Variants in RAD51B observed in about 807,000 individuals in gnomAD.
RAD51B encodes the protein DNA repair protein RAD51 homolog 2.
Under a neutral mutation model 42.2 loss-of-function variants are expected in RAD51B, and 38 were observed. The observed-to-expected ratio is 0.90, with a 90% CI of 0.70 to 1.18. The LOEUF is 1.18. Ranked by LOEUF, RAD51B falls within the 50% of genes most tolerant of loss-of-function variation. The pLI, the probability that RAD51B is intolerant of heterozygous loss-of-function variation, is 0.00. For missense variants in RAD51B, 373 were observed against 400.7 expected (o/e 0.93, Z 0.59); for synonymous variants, 154 against 145.2 (o/e 1.06, Z -0.43).
chr14:67,873,385 G>C (rs1391499777), intron 5 of RAD51B, among the ~76,000 whole-genome samples: 3 of 152,180 alleles, frequency 2.0e-5, no homozygotes, highest in South Asian at 4.1e-4. Flanking sequence ...AAACCACAAT[G>C]AGATACCATC....
chr14:68,559,762 A>T (rs542163932), intron 10 of RAD51B, among the ~76,000 whole-genome samples: 2 of 152,126 alleles, frequency 1.3e-5, no homozygotes. Context: ...CAATTTTCCC[A>T]CTAAAGCAAT....
intron 8 of RAD51B, among the ~76,000 whole-genome samples, chr14:68,369,365 A>T (rs1024954162): frequency 6.6e-6 from 1 of 152,196 alleles, no homozygotes; most frequent in Non-Finnish European, 1.5e-5. Context: ...TCTTGCACAG[A>T]TTGCGTCCAC....
chr14:68,137,943 T>C (rs1211088751), intron 7 of RAD51B, among the ~76,000 whole-genome samples: 3 of 152,178 alleles, frequency 2.0e-5, no homozygotes, highest in African/African-American at 7.2e-5. Context: ...CAAGGGCCAA[T>C]GAGAAAGGAT....
At chr14:68,604,550 G>C (rs1386024625) in intron 10 of RAD51B, among the ~76,000 whole-genome samples, 1 of 152,214 alleles carries the variant, frequency 6.6e-6, no homozygotes, top group Non-Finnish European at 1.5e-5. Context: ...CCAGCTCCAT[G>C]TCCTCATGGG....
chr14:68,509,563 A>T (rs1378235744), intron 10 of RAD51B, among the ~76,000 whole-genome samples: 1 of 152,210 alleles, frequency 6.6e-6, no homozygotes, highest in Non-Finnish European at 1.5e-5. Context: ...CTGAAGAATG[A>T]TGTTTGGAAG....
At chr14:68,562,377 G>C (rs146540771) in intron 10 of RAD51B, 1 of 985,364 alleles carries the variant, frequency 1.0e-6, no homozygotes, top group Non-Finnish European at 1.2e-6. Flanking sequence ...AGGCTCTTGA[G>C]CAAATGCAGA....
At chr14:67,914,164 G>A (rs1190663901) in intron 7 of RAD51B, among the ~76,000 whole-genome samples, 1 of 151,976 alleles carries the variant, frequency 6.6e-6, no homozygotes, top group Non-Finnish European at 1.5e-5. Context: ...TGTATTTTTA[G>A]TAAAGACGAG....
chr14:68,660,521 G>A (rs1892910707), intron 11 of RAD51B, among the ~76,000 whole-genome samples: 2 of 152,168 alleles, frequency 1.3e-5, no homozygotes, highest in African/African-American at 2.4e-5. Context: ...TTGCCCTTGA[G>A]GATTTACACT....
intron 7 of RAD51B, among the ~76,000 whole-genome samples, chr14:68,012,786 TTG>T (rs1458055322): frequency 6.6e-6 from 1 of 152,216 alleles, no homozygotes; most frequent in Non-Finnish European, 1.5e-5. Context: ...GCTGTTGCTG[TTG>T]TTATATGTCA....
chr14:68,477,881 G>T lies in RAD51B; in HGVS notation c.*217G>T. 2 of 1,396,382 alleles carry T rather than the reference G, an allele frequency of 1.4e-6. No individual in the cohort carries two copies. Among genetic ancestry groups the T allele is most frequent in the Non-Finnish European group, 1.9e-6 (2 of 1,077,190 alleles). 86.5% of individuals were successfully genotyped at this position (1,396,382 alleles called of 1,614,324 possible). ...GAAGAAGCCTTTGTTCAGGTCTCTA[G>T]ATGTGTAGGGCTGAGGGCTTTGCCG... On this transcript the variant is annotated 3_prime_UTR_variant, in exon 11 of 11. Transcript: ENST00000471583.
intron 7 of RAD51B, among the ~76,000 whole-genome samples, chr14:68,282,316 T>A (rs1347210143): frequency 6.6e-6 from 1 of 152,136 alleles, no homozygotes; most frequent in East Asian, 1.9e-4. Flanking sequence ...TTGTACCACA[T>A]GATTGGGAGT....
chr14:67,900,141 T>C (rs1264012911), intron 7 of RAD51B, among the ~76,000 whole-genome samples: 2 of 152,204 alleles, frequency 1.3e-5, no homozygotes, highest in African/African-American at 4.8e-5. Flanking sequence ...TTATCAGTAT[T>C]TAAAGTAAGA....
intron 10 of RAD51B, among the ~76,000 whole-genome samples, chr14:68,619,950 G>C (rs569537365): frequency 6.6e-6 from 1 of 152,182 alleles, no homozygotes; most frequent in East Asian, 1.9e-4. Flanking sequence ...ACTTTCACTT[G>C]ATCCTTGCCC....
At chr14:68,560,075 C>T (rs1889065301) in intron 10 of RAD51B, among the ~76,000 whole-genome samples, 1 of 152,142 alleles carries the variant, frequency 6.6e-6, no homozygotes, top group East Asian at 1.9e-4. Context: ...CCTCCTTGCC[C>T]CATTTTCCCA....
intron 9 of RAD51B, among the ~76,000 whole-genome samples, chr14:68,424,466 C>A (rs1410594964): frequency 6.6e-6 from 1 of 152,198 alleles, no homozygotes; most frequent in Admixed American, 6.5e-5. Flanking sequence ...AACCCTTCAA[C>A]AGCTGTGCCT....
chr14:68,548,985 T>C (rs1214876298), intron 10 of RAD51B, among the ~76,000 whole-genome samples: 1 of 152,192 alleles, frequency 6.6e-6, no homozygotes, highest in Non-Finnish European at 1.5e-5. Context: ...CTAATTTGCA[T>C]TTGATTACAG....
chr14:67,855,475 C>A (rs904677953), intron 4 of RAD51B, among the ~76,000 whole-genome samples: 1 of 151,548 alleles, frequency 6.6e-6, no homozygotes, highest in Non-Finnish European at 1.5e-5. Flanking sequence ...CTCCTGACCT[C>A]GTGATTCGCC....
downstream of RAD51B, among the ~76,000 whole-genome samples, chr14:68,596,205 G>A (rs117920312): frequency 0.012 from 1,752 of 152,198 alleles, 15 homozygotes; most frequent in Non-Finnish European, 0.018. Context: ...CTCACTGACA[G>A]TAACAGCTTT....
At chr14:68,457,739 C>T (rs1193041547) in intron 9 of RAD51B, among the ~76,000 whole-genome samples, 1 of 151,042 alleles carries the variant, frequency 6.6e-6, no homozygotes, top group African/African-American at 2.4e-5. Flanking sequence ...GCTGGGATTA[C>T]AGGCACGTGC....
Sources: gnomAD v4.1 joint callset for allele counts (sites outside exome capture counted in the v4.1 genomes callset) on GRCh38, gnomAD v4.1.1 for gene constraint, MANE v1.5 for transcripts, NCBI Gene and HGNC (gene_info 2026-07-23, HGNC 2026-07-21) for gene names.